The following USP45 variants were observed in gnomAD, a reference collection of about 807,000 sequenced individuals.
The protein encoded by USP45 is ubiquitin specific peptidase 45.
Under a neutral mutation model 95.8 loss-of-function variants are expected in USP45, and 89 were observed. That is an observed-to-expected ratio of 0.93 (90% CI 0.78 to 1.11). USP45 has a LOEUF of 1.11. USP45 is among the 50% of genes least tolerant of loss of function. The pLI is 0.00. For missense variants in USP45, 898 were observed against 942.5 expected, an observed-to-expected ratio of 0.95 and a Z score of 0.62; for synonymous variants, 281 against 316.2, an observed-to-expected ratio of 0.89 and a Z score of 1.18.
intron 13 of USP45, among the ~76,000 whole-genome samples, chr6:99,458,003 G>GT (rs1391261176): frequency 1.3e-5 from 2 of 152,104 alleles, no homozygotes; most frequent in East Asian, 1.9e-4. Flanking sequence ...AGTAAGCAGC[G>GT]TAAGTATCAG....
intron 8 of USP45, 60 bp downstream of exon 8, chr6:99,482,690 AATG>A: frequency 7.0e-7 from 1 of 1,427,432 alleles, no homozygotes; most frequent in East Asian, 2.4e-5. Context: ...ATTCATGTTA[AATG>A]ATGAATACAT....
At chr6:99,471,616 A>C (rs568087819) in intron 9 of USP45, among the ~76,000 whole-genome samples, 10 of 152,222 alleles carry the variant, frequency 6.6e-5, no homozygotes, top group Non-Finnish European at 1.5e-4. Flanking sequence ...TACATGAAAA[A>C]TTTACAATTT....
chr6:99,493,322 G>A (rs1051590719), intron 5 of USP45, among the ~76,000 whole-genome samples: 3 of 151,958 alleles, frequency 2.0e-5, no homozygotes, highest in South Asian at 2.1e-4. Flanking sequence ...CACCACACTC[G>A]GCCAAGCCTT....
chr6:99,503,347 G>C (rs1797799062), intron 5 of USP45, among the ~76,000 whole-genome samples: 1 of 149,752 alleles, frequency 6.7e-6, no homozygotes, highest in Non-Finnish European at 1.5e-5. Flanking sequence ...TTTTTCTTGA[G>C]ACGGGGTCTT....
At chr6:99,480,130 C>A (rs768954424) in intron 8 of USP45, among the ~76,000 whole-genome samples, 23 of 152,066 alleles carry the variant, frequency 1.5e-4, no homozygotes, top group Non-Finnish European at 2.8e-4. Flanking sequence ...AAATTGAATT[C>A]TTTAAAAAGA....
At position 99,445,943 on chromosome 6, in the gene USP45, C is replaced by A. The variant is rs1182466162; in HGVS notation, c.1829G>T (p.Ser610Ile). ...ACATTCTTTAGAAGTAGTTATATAG[C>A]TCTGAGAAAGGGTCTGAAAAGCATT... ...PQNAFQTLSQ[S>I]YITTSKECSI... is the part of the protein sequence containing the mutation. Residue 610 changes from serine to isoleucine, a missense_variant, in exon 14 of 18, where the codon AGC becomes ATC. Transcript: ENST00000500704. 1.2e-6 allele frequency: 2 copies of A among 1,614,024 alleles called. No homozygotes were observed. Among genetic ancestry groups the A allele is most frequent in the South Asian group, 2.2e-5 (2 of 91,076 alleles).
At position 99,476,172 on chromosome 6, in the gene USP45, G is replaced by A. The variant is rs75273675; in HGVS notation, c.904C>T (p.Leu302=). ...QDSQELLHYL[L]DAVRTEETKR... ...GTTTCTTCTGTCCTCACTGCATCCAGAAGATAATGAAGAAGCTCCTGACTG... is the reference window on the plus strand; with the variant it reads ...GTTTCTTCTGTCCTCACTGCATCCAAAAGATAATGAAGAAGCTCCTGACTG... Residue 302 remains leucine, a synonymous_variant, in exon 9 of 18, where the codon CTG becomes TTG. Transcript: ENST00000500704. The A allele has an allele frequency of 2.1e-3, 3,310 of 1,613,962 alleles. 6 individuals are homozygous for A. The highest frequency in any genetic ancestry group is 3.7e-3 in the Admixed American group (225 of 60,006).
intron 13 of USP45, among the ~76,000 whole-genome samples, chr6:99,450,016 G>A (rs1056742534): frequency 1.3e-5 from 2 of 152,174 alleles, no homozygotes; most frequent in Non-Finnish European, 1.5e-5. Context: ...GAATCTATGG[G>A]ACACATTTAA....
chr6:99,473,775 A>ACACACACACACACAC (rs764424679), intron 9 of USP45, among the ~76,000 whole-genome samples: 3 of 3,730 alleles, frequency 8.0e-4, no homozygotes, highest in East Asian at 0.017. Flanking sequence ...CAAAAAAAAC[A>ACACACACACACACAC]AAACACACAC....
At chr6:99,475,607 T>G (rs1264568042) in intron 9 of USP45, among the ~76,000 whole-genome samples, 2 of 152,076 alleles carry the variant, frequency 1.3e-5, no homozygotes, top group Non-Finnish European at 1.5e-5. Context: ...TGAGCCACCA[T>G]GCCTGGCCCC....
At chr6:99,485,875 G>A (rs1554247409) in intron 7 of USP45, among the ~76,000 whole-genome samples, 1 of 152,034 alleles carries the variant, frequency 6.6e-6, no homozygotes, top group Non-Finnish European at 1.5e-5. Context: ...GAATAAAGAA[G>A]AAAAACCATA....
At chr6:99,498,360 A>G (rs528205259) in intron 5 of USP45, among the ~76,000 whole-genome samples, 1 of 152,362 alleles carries the variant, frequency 6.6e-6, no homozygotes, top group South Asian at 2.1e-4. Flanking sequence ...GTCTACCCAC[A>G]TAAAAATCAA....
chr6:99,514,551 T>C (rs554288004), intron 1 of USP45, among the ~76,000 whole-genome samples: 2 of 152,344 alleles, frequency 1.3e-5, no homozygotes, highest in South Asian at 2.1e-4. Context: ...CAATAAACTT[T>C]ACAGTTTTCA....
chr6:99,484,201 ACT>A (rs1411188253), intron 7 of USP45, among the ~76,000 whole-genome samples: 16 of 150,228 alleles, frequency 1.1e-4, no homozygotes, highest in African/African-American at 3.7e-4. Flanking sequence ...ACGAAGTCTC[ACT>A]CTGTCACCCA....
chr6:99,485,881 C>G (rs1038178841), intron 7 of USP45, among the ~76,000 whole-genome samples: 6 of 152,036 alleles, frequency 3.9e-5, no homozygotes, highest in African/African-American at 1.4e-4. Flanking sequence ...AGAAGAAAAA[C>G]CATATGATCA....
At chr6:99,478,051 G>GT (rs1390277711) in intron 8 of USP45, among the ~76,000 whole-genome samples, 1 of 152,144 alleles carries the variant, frequency 6.6e-6, no homozygotes, top group East Asian at 1.9e-4. Context: ...TGGTAGGTAG[G>GT]AGGAGGGGGC....
intron 13 of USP45, among the ~76,000 whole-genome samples, chr6:99,447,122 T>C (rs776267333): frequency 1.3e-5 from 2 of 152,170 alleles, no homozygotes; most frequent in Non-Finnish European, 2.9e-5. Context: ...TAAACTATTA[T>C]GACACAGTGT....
chr6:99,507,801 G>A (rs1798861583), intron 3 of USP45, among the ~76,000 whole-genome samples: 1 of 152,196 alleles, frequency 6.6e-6, no homozygotes, highest in South Asian at 2.1e-4. Context: ...GGAACACCCA[G>A]CATCCTGGCA....
Position 99,446,181 on chromosome 6 carries a change from C to G in USP45, c.1591G>C (p.Asp531His), listed in dbSNP as rs768514430. 2.5e-6 allele frequency: 4 copies of G among 1,614,170 alleles called. No homozygotes were observed. In the South Asian group the frequency reaches 3.3e-5, roughly 13 times the overall value. ...RSSSGSGVQP[D>H]GPLYPLSAGK... The stretch of plus-strand genomic sequence containing the variant: ...GCTGACAGAGGGTAAAGGGGTCCAT[C>G]TGGCTGCACACCGGATCCACTACTG... Residue 531 changes from aspartate to histidine, a missense_variant, in exon 14 of 18, where the codon GAT (aspartate) becomes CAT (histidine). Coordinates refer to ENST00000500704, the MANE Select transcript of USP45 (RefSeq NM_001346022.3).
Sources: allele counts gnomAD v4.1 joint callset (sites outside exome capture counted in the v4.1 genomes callset), GRCh38; gene constraint gnomAD v4.1.1; transcripts MANE v1.5; gene names NCBI Gene and HGNC (gene_info 2026-07-23, HGNC 2026-07-21).